L3MBTL4: variants seen among roughly 807,000 people sequenced by gnomAD.
The protein encoded by L3MBTL4 is lethal(3)malignant brain tumor-like protein 4.
A neutral mutation model predicts 84.5 loss-of-function variants in L3MBTL4; 70 were observed. The ratio of observed to expected loss-of-function variants is 0.83; its 90% CI spans 0.68 to 1.01. The LOEUF is 1.01. Ranked by LOEUF, L3MBTL4 falls within the 50% of genes least tolerant of loss-of-function variation. L3MBTL4 has a pLI of 0.00. For synonymous variants in L3MBTL4, 274 were observed against 259.8 expected, an observed-to-expected ratio of 1.05 and a Z score of -0.52; for missense variants, 715 against 754.8, an observed-to-expected ratio of 0.95 and a Z score of 0.62.
At chr18:6,279,883 T>C (rs1035310568) in intron 4 of L3MBTL4, among the ~76,000 whole-genome samples, 3 of 152,194 alleles carry the variant, frequency 2.0e-5, no homozygotes, top group African/African-American at 7.2e-5. Context: ...TTAAATATAA[T>C]ATAGCTCCGG....
At chr18:6,234,694 T>C (rs919443057) in intron 10 of L3MBTL4, among the ~76,000 whole-genome samples, 2 of 152,074 alleles carry the variant, frequency 1.3e-5, no homozygotes, top group African/African-American at 4.8e-5. Context: ...TGTGGAGAAA[T>C]AGGAACACTT....
chr18:6,174,362 T>C (rs931896169), intron 12 of L3MBTL4, among the ~76,000 whole-genome samples: 1 of 152,070 alleles, frequency 6.6e-6, no homozygotes, highest in Non-Finnish European at 1.5e-5. Flanking sequence ...TTAATTGAAA[T>C]GGTCTAAATG....
intron 4 of L3MBTL4, among the ~76,000 whole-genome samples, chr18:6,285,679 GT>G (rs2049541238): frequency 6.6e-6 from 1 of 151,986 alleles, no homozygotes; most frequent in Admixed American, 6.6e-5. Context: ...CCTGAGGCCA[GT>G]TTTACCTGAT....
At chr18:6,047,722 C>T (rs375134477) in intron 16 of L3MBTL4, among the ~76,000 whole-genome samples, 1 of 152,284 alleles carries the variant, frequency 6.6e-6, no homozygotes, top group East Asian at 1.9e-4. Flanking sequence ...TAAAAACCCT[C>T]AACAGACTAG....
At chr18:6,234,298 A>C (rs1276954872) in intron 10 of L3MBTL4, among the ~76,000 whole-genome samples, 1 of 152,220 alleles carries the variant, frequency 6.6e-6, no homozygotes, top group African/African-American at 2.4e-5. Flanking sequence ...ATGGCAACAA[A>C]AGCCAAAATT....
chr18:6,309,037 G>A (rs1353985741), intron 3 of L3MBTL4, among the ~76,000 whole-genome samples: 1 of 152,088 alleles, frequency 6.6e-6, no homozygotes, highest in East Asian at 1.9e-4. Flanking sequence ...GATATCCAAG[G>A]TATGAAATTA....
chr18:6,082,491 T>C (rs1001383034), intron 15 of L3MBTL4: 1 of 152,036 alleles, frequency 6.6e-6, no homozygotes, highest in Non-Finnish European at 1.5e-5. Flanking sequence ...CAAAGAATAA[T>C]TTGGGGCGGG....
At chr18:6,168,352 A>C (rs2043787803) in intron 13 of L3MBTL4, among the ~76,000 whole-genome samples, 1 of 152,270 alleles carries the variant, frequency 6.6e-6, no homozygotes, top group Middle Eastern at 3.4e-3. Context: ...GGAACCAAAA[A>C]AGAGCCCGCA....
intron 16 of L3MBTL4, among the ~76,000 whole-genome samples, chr18:5,986,922 C>G (rs539795559): frequency 8.5e-5 from 13 of 152,366 alleles, no homozygotes; most frequent in African/African-American, 2.9e-4. Context: ...TTGTGCTATG[C>G]AAATGTTAGG....
chr18:6,145,968 G>A (rs1164643613), intron 13 of L3MBTL4, among the ~76,000 whole-genome samples: 2 of 152,184 alleles, frequency 1.3e-5, no homozygotes, highest in Admixed American at 1.3e-4. Context: ...ACAGTGAGTG[G>A]GGGACGTGGG....
intron 4 of L3MBTL4, among the ~76,000 whole-genome samples, chr18:6,270,338 T>A (rs1373705243): frequency 6.6e-6 from 1 of 152,148 alleles, no homozygotes; most frequent in Non-Finnish European, 1.5e-5. Context: ...GAATTTAAAT[T>A]CATGTAGTGC....
intron 16 of L3MBTL4, among the ~76,000 whole-genome samples, chr18:6,047,655 T>G (rs1413831143): frequency 6.6e-6 from 1 of 152,178 alleles, no homozygotes. Flanking sequence ...AAAAATCATA[T>G]GATCACCTCA....
At chr18:6,224,685 C>A (rs1418231957) in intron 10 of L3MBTL4, among the ~76,000 whole-genome samples, 8 of 152,118 alleles carry the variant, frequency 5.3e-5, no homozygotes, top group African/African-American at 1.2e-4. Flanking sequence ...AATGGAGGAA[C>A]CTTGCCTGTG....
chr18:5,970,289 T>TGC (rs2052575622), intron 16 of L3MBTL4, among the ~76,000 whole-genome samples: 1 of 152,206 alleles, frequency 6.6e-6, no homozygotes, highest in Non-Finnish European at 1.5e-5. Context: ...GGTTATAAAG[T>TGC]ACAAAGGACA....
At chr18:6,372,790 A>G (rs2054208837) in intron 1 of L3MBTL4, among the ~76,000 whole-genome samples, 2 of 152,146 alleles carry the variant, frequency 1.3e-5, no homozygotes, top group African/African-American at 4.8e-5. Context: ...CTTTGTGATC[A>G]TTTTTCTTTA....
At chr18:6,153,357 T>C (rs2144865848) in intron 13 of L3MBTL4, among the ~76,000 whole-genome samples, 1 of 152,310 alleles carries the variant, frequency 6.6e-6, no homozygotes, top group Middle Eastern at 3.4e-3. Context: ...ATATGGGATA[T>C]CTTCCCATTT....
At chr18:6,064,349 T>G (rs1350520147) in intron 16 of L3MBTL4, among the ~76,000 whole-genome samples, 1 of 152,144 alleles carries the variant, frequency 6.6e-6, no homozygotes, top group Non-Finnish European at 1.5e-5. Flanking sequence ...AGGCTCTCTT[T>G]TCATTCCATA....
intron 16 of L3MBTL4, among the ~76,000 whole-genome samples, chr18:6,028,306 A>G (rs2055607703): frequency 1.3e-5 from 2 of 151,988 alleles, no homozygotes; most frequent in African/African-American, 4.8e-5. Flanking sequence ...ATCCTTTCCC[A>G]TTGTTGTTTT....
At chr18:6,407,792 G>C (rs2055794956) in intron 1 of L3MBTL4, among the ~76,000 whole-genome samples, 1 of 152,130 alleles carries the variant, frequency 6.6e-6, no homozygotes, top group African/African-American at 2.4e-5. Flanking sequence ...GGAAATAAAT[G>C]GCAACAAGCC....
Sources: gnomAD v4.1 joint callset for allele counts (sites outside exome capture counted in the v4.1 genomes callset) on GRCh38, gnomAD v4.1.1 for gene constraint, MANE v1.5 for transcripts, NCBI Gene and HGNC (gene_info 2026-07-23, HGNC 2026-07-21) for gene names.